Variants in CNMD observed in about 807,000 individuals in gnomAD.
CNMD encodes the protein chondromodulin, also known as leukocyte cell-derived chemotaxin 1.
CNMD carries 30 observed loss-of-function variants against 37.5 expected under a neutral mutation model. That is an observed-to-expected ratio of 0.80 (90% CI 0.60 to 1.09). The LOEUF (loss-of-function observed/expected upper bound fraction) is 1.09, where lower values mean the gene tolerates loss of function less well. CNMD is among the 50% of genes least tolerant of loss of function. The pLI, the probability that CNMD is intolerant of heterozygous loss-of-function variation, is 0.00. For synonymous variants in CNMD, 167 were observed against 148.2 expected, an observed-to-expected ratio of 1.13 and a Z score of -0.92; for missense variants, 398 against 423.9, an observed-to-expected ratio of 0.94 and a Z score of 0.54.
At chr13:52,725,294 C>T (rs1211813943) in intron 3 of CNMD, among the ~76,000 whole-genome samples, 2 of 152,138 alleles carry the variant, frequency 1.3e-5, no homozygotes, top group African/African-American at 4.8e-5. Flanking sequence ...CAAAGCTATT[C>T]AAAAGATGTT....
chr13:52,738,208 C>T (rs1296930894), intron 2 of CNMD, among the ~76,000 whole-genome samples: 1 of 152,260 alleles, frequency 6.6e-6, no homozygotes, highest in Middle Eastern at 3.4e-3. Flanking sequence ...AAGCTTATAC[C>T]AGACCTGGCA....
intron 5 of CNMD, among the ~76,000 whole-genome samples, chr13:52,709,645 A>G (rs1277875137): frequency 6.6e-6 from 1 of 151,976 alleles, no homozygotes; most frequent in African/African-American, 2.4e-5. Context: ...ACATAGCCTC[A>G]TGGGCCCTGC....
intron 6 of CNMD, among the ~76,000 whole-genome samples, chr13:52,705,813 G>T (rs1964164570): frequency 6.6e-6 from 1 of 152,004 alleles, no homozygotes; most frequent in South Asian, 2.1e-4. Flanking sequence ...GTCATATCCT[G>T]CCTGTCTATA....
chr13:52,724,910 C>T (rs953793330), intron 3 of CNMD, among the ~76,000 whole-genome samples: 1 of 151,964 alleles, frequency 6.6e-6, no homozygotes, highest in African/African-American at 2.4e-5. Context: ...TAAAAACAAA[C>T]AAACAAACAA....
intron 4 of CNMD, among the ~76,000 whole-genome samples, chr13:52,721,432 A>C (rs1477830059): frequency 6.6e-6 from 1 of 152,220 alleles, no homozygotes; most frequent in Non-Finnish European, 1.5e-5. Context: ...TAGGCACCCA[A>C]GGGAATCTCC....
rs766654544 is a variant in CNMD, at chr13:52,739,585, TCA to T, written c.72+43_72+44del. On this transcript the variant is annotated intron_variant, in intron 1 of 6. Coordinates refer to ENST00000377962, the MANE Select transcript of CNMD (RefSeq NM_007015.3). This position sits in a 1 kb window ranked among gnomAD's most constrained non-coding sequence, Gnocchi z 5.4. Reference sequence around the variant, plus strand: ...GAGTCCGAACTGTGGAACCTGATACTCACACAACCCAGGCCCTGCGTGTGGAA... The same window carrying T: ...GAGTCCGAACTGTGGAACCTGATACTCACAACCCAGGCCCTGCGTGTGGAA... The T allele has an allele frequency of 5.1e-5, 79 of 1,550,318 alleles. No individual in the cohort carries two copies. Among genetic ancestry groups the T allele is most frequent in the Non-Finnish European group, 7.0e-5 (78 of 1,122,110 alleles).
intron 4 of CNMD, among the ~76,000 whole-genome samples, chr13:52,721,618 G>A (rs1257133224): frequency 1.3e-5 from 2 of 152,174 alleles, no homozygotes; most frequent in Non-Finnish European, 1.5e-5. Context: ...TCTGTGGGCT[G>A]CACCCACTGT....
intron 4 of CNMD, among the ~76,000 whole-genome samples, chr13:52,716,441 G>A (rs1326383276): frequency 6.6e-6 from 1 of 152,118 alleles, no homozygotes; most frequent in African/African-American, 2.4e-5. Flanking sequence ...TGTCCTGAAT[G>A]GTATTGCCTA....
chr13:52,721,912 G>A (rs1964490333), intron 4 of CNMD, among the ~76,000 whole-genome samples: 1 of 152,202 alleles, frequency 6.6e-6, no homozygotes, highest in South Asian at 2.1e-4. Context: ...CAGGAGAGGA[G>A]AACAAGTTCT....
intron 4 of CNMD, among the ~76,000 whole-genome samples, chr13:52,714,067 A>G (rs1040094504): frequency 6.6e-6 from 1 of 152,178 alleles, no homozygotes; most frequent in Non-Finnish European, 1.5e-5. Flanking sequence ...AGTGAGATCC[A>G]GGCCAAAGTA....
intron 2 of CNMD, 130 bp from the exon 3 acceptor site, chr13:52,733,489 C>T: frequency 1.2e-6 from 1 of 801,590 alleles, no homozygotes. Flanking sequence ...AATAATAATA[C>T]ATTTATATAT....
chr13:52,710,481 CTGTCATTCCCCG>C (rs1186363778), intron 5 of CNMD, among the ~76,000 whole-genome samples: 1 of 152,230 alleles, frequency 6.6e-6, no homozygotes, highest in Non-Finnish European at 1.5e-5. Flanking sequence ...CTGTGTCCAG[CTGTCATTCCCCG>C]TGTCTCTGAT....
At chr13:52,707,859 A>T (rs1258379932) in intron 6 of CNMD, among the ~76,000 whole-genome samples, 1 of 152,026 alleles carries the variant, frequency 6.6e-6, no homozygotes, top group Admixed American at 6.5e-5. Context: ...GATCCCAACA[A>T]CATCTTGGGA....
intron 5 of CNMD, 106 bp from the exon 6 acceptor site, chr13:52,708,808 A>C: frequency 1.1e-6 from 1 of 942,536 alleles, no homozygotes; most frequent in Admixed American, 2.6e-5. Flanking sequence ...AAATTTGTGC[A>C]TAACCAGATG....
chr13:52,703,646 T>A lies in CNMD; in HGVS notation c.954A>T (p.Arg318Ser), dbSNP rs959966857. The A allele has an allele frequency of 2.5e-6, 4 of 1,614,026 alleles. No homozygotes were observed. Among genetic ancestry groups the A allele is most frequent in the African/African-American group, 2.7e-5 (2 of 75,048 alleles). ...CCCACCAGCTACATGGCATGATGACTCTGCAGGCCGAACGGCAGCCTTGAT... is the reference window on the plus strand; with the variant it reads ...CCCACCAGCTACATGGCATGATGACACTGCAGGCCGAACGGCAGCCTTGAT... Reference protein sequence around the residue: ...YNYQGCRSACRVIMPCSWWVA... With the variant: ...YNYQGCRSACSVIMPCSWWVA... Residue 318 changes from arginine (R) to serine (S), a missense_variant, in exon 7 of 7, where the codon AGA becomes AGT. Arg to Ser is a moderately radical substitution (Grantham distance 110). Transcript: ENST00000377962.
chr13:52,714,734 T>C (rs1353181300), intron 4 of CNMD, among the ~76,000 whole-genome samples: 1 of 152,118 alleles, frequency 6.6e-6, no homozygotes, highest in Non-Finnish European at 1.5e-5. Flanking sequence ...ATAATAAGCA[T>C]GTACAACAGG....
intron 3 of CNMD, among the ~76,000 whole-genome samples, chr13:52,729,006 C>A (rs995640960): frequency 6.6e-6 from 1 of 152,286 alleles, no homozygotes. Context: ...GCTTTAGAAG[C>A]TGGTGGTAAT....
intron 4 of CNMD, among the ~76,000 whole-genome samples, chr13:52,713,090 T>A (rs1964318127): frequency 1.3e-5 from 2 of 152,210 alleles, no homozygotes; most frequent in Admixed American, 6.5e-5. Flanking sequence ...TCTGGATAGC[T>A]GTACCATGTG....
chr13:52,729,630 T>C (rs188547350), intron 3 of CNMD, among the ~76,000 whole-genome samples: 18 of 152,334 alleles, frequency 1.2e-4, no homozygotes, highest in East Asian at 3.9e-4. Flanking sequence ...CATTTACATA[T>C]GAAGTCCATA....
Sources: gnomAD v4.1 joint callset for allele counts (sites outside exome capture counted in the v4.1 genomes callset) on GRCh38, gnomAD v4.1.1 for gene constraint, Gnocchi (gnomAD v3.1) non-coding constraint, MANE v1.5 for transcripts, NCBI Gene and HGNC (gene_info 2026-07-23, HGNC 2026-07-21) for gene names.